Variants in GPN1 observed in about 807,000 individuals in gnomAD.
The protein encoded by GPN1 is GPN-loop GTPase 1, also known as ATP(GTP)-binding protein.
In GPN1, 44 loss-of-function variants were observed where a neutral mutation model predicts 55.9. The observed-to-expected ratio is 0.79, with a 90% confidence interval of 0.62 to 1.01. GPN1 has a LOEUF of 1.01. GPN1 is among the 50% of genes least tolerant of loss of function. The pLI is 0.00. For synonymous variants in GPN1, 179 were observed against 162.5 expected, an observed-to-expected ratio of 1.10 and a Z score of -0.77; for missense variants, 466 against 462.8, an observed-to-expected ratio of 1.01 and a Z score of -0.06.
intron 11 of GPN1, 66 bp from the exon 12 acceptor site, chr2:27,642,363 G>T: frequency 1.1e-6 from 1 of 921,240 alleles, no homozygotes; most frequent in South Asian, 1.3e-5. Flanking sequence ...CATCTCCACT[G>T]AGAAGTCTGG....
At chr2:27,645,557 AC>A (rs1674186597) in intron 12 of GPN1, among the ~76,000 whole-genome samples, 1 of 152,160 alleles carries the variant, frequency 6.6e-6, no homozygotes. Context: ...ACCCAAGACC[AC>A]AGAGTGTCTT....
rs761375294 is a variant in GPN1, at chr2:27,629,063, C to A, written c.5C>A (p.Ala2Glu). 1.2e-6 allele frequency: 2 copies of A among 1,614,114 alleles called. No individual in the cohort carries two copies. The highest frequency in any genetic ancestry group is 1.7e-6 in the Non-Finnish European group (2 of 1,180,020). M[A>E]ASAAAAELQA... ...GTGGGTGGGGCCAGGAGGAAGATGG[C>A]GGCGTCCGCAGCTGCCGCTGAGCTC... The change falls in exon 1 of 14, where the codon GCG becomes GAG. Residue 2 changes from alanine (A) to glutamate (E), a missense_variant. Ala to Glu is a moderately radical substitution (Grantham distance 107, BLOSUM62 -1). Transcript: ENST00000610189.
At chr2:27,645,866 A>C (rs1674202596) in intron 12 of GPN1, among the ~76,000 whole-genome samples, 1 of 151,680 alleles carries the variant, frequency 6.6e-6, no homozygotes, top group Admixed American at 6.6e-5. Flanking sequence ...AGTAGCTGGA[A>C]CTAGAGGTGC....
At chr2:27,628,951 C>T (rs1456793953), upstream of GPN1, 13 of 1,555,530 alleles carry the variant, frequency 8.4e-6, no homozygotes, top group African/African-American at 1.2e-4. Context: ...GCCCCTCACC[C>T]GCTCCTTTCT....
At chr2:27,642,250 C>A (rs1572959938) in intron 11 of GPN1, 179 bp from the exon 12 acceptor site, 3 of 561,116 alleles carry the variant, frequency 5.3e-6, no homozygotes, top group Middle Eastern at 3.9e-4. Context: ...GTCTAAACTT[C>A]TGCAGTAACC....
chr2:27,642,100 C>G (rs1481478823), intron 11 of GPN1: 1 of 188,836 alleles, frequency 5.3e-6, no homozygotes, highest in African/African-American at 2.3e-5. Context: ...TTTTGCCTAG[C>G]CAGTTTAAAT....
At position 27,651,331 on chromosome 2, in the gene GPN1, T is replaced by G. The variant is rs1437465017; in HGVS notation, c.*1131T>G. The stretch of plus-strand genomic sequence containing the variant: ...CTGGGGGTGGGCTGAGCAGTCTGTT[T>G]TAGAAAGCCCTCCATGTGATTCTGA... On this transcript the variant is annotated 3_prime_UTR_variant, in exon 14 of 14. Coordinates refer to ENST00000610189, the MANE Select transcript of GPN1 (RefSeq NM_007266.4). 1.3e-5 allele frequency: 2 copies of G among 152,264 alleles called. No individual in the cohort carries two copies. The highest frequency in any genetic ancestry group is 1.3e-4 in the Admixed American group (2 of 15,272). The allele number at this position is 152,264 out of a possible 1,614,324, so 9.4% of individuals were successfully genotyped here.
chr2:27,629,104 C>T lies in GPN1; in HGVS notation c.46C>T (p.Pro16Ser), dbSNP rs964040726. ...CGCTGAGCTCCAGGCTTCTGGGGGT[C>T]CGCGGCACCCAGTGTGTCTGTTGGT... ...AAAELQASGG[P>S]RHPVCLLVLG... Residue 16 changes from proline (P) to serine (S), a missense_variant, in exon 1 of 14, where the codon CCG (proline) becomes TCG (serine). Physicochemically the swap from Pro to Ser is moderately conservative, Grantham distance 74. Coordinates refer to ENST00000610189, the MANE Select transcript of GPN1 (RefSeq NM_007266.4). 4 of 1,614,110 alleles carry T rather than the reference C, an allele frequency of 2.5e-6. No homozygotes were observed. The African/African-American group carries it at 4.0e-5, about 16-fold the overall frequency.
chr2:27,650,246 G>C lies in GPN1; in HGVS notation c.*46G>C. Reference sequence around the variant, plus strand: ...TTGTTTCTAGAAGTCCAGAATTTTGGACCTCCACGTGAAAGAACTGTTCTT... The same window carrying C: ...TTGTTTCTAGAAGTCCAGAATTTTGCACCTCCACGTGAAAGAACTGTTCTT... On this transcript the variant is annotated 3_prime_UTR_variant, in exon 14 of 14. Coordinates refer to ENST00000610189, the MANE Select transcript of GPN1 (RefSeq NM_007266.4). 1 of 1,113,568 alleles carries C rather than the reference G, an allele frequency of 9.0e-7. No homozygotes were observed. The highest frequency in any genetic ancestry group is 1.3e-5 in the South Asian group (1 of 78,934). 69.0% of individuals were successfully genotyped at this position (1,113,568 alleles called of 1,614,324 possible).
chr2:27,639,974 C>T (rs111864179), intron 9 of GPN1, 69 bp from the exon 10 acceptor site: 14 of 1,024,474 alleles, frequency 1.4e-5, no homozygotes, highest in African/African-American at 8.0e-5. Context: ...GACATTTAAA[C>T]AAGTTAATGT....
chr2:27,639,196 G>C (rs530049347), intron 9 of GPN1, among the ~76,000 whole-genome samples, 165 bp downstream of exon 9: 32 of 152,294 alleles, frequency 2.1e-4, no homozygotes, highest in South Asian at 1.7e-3. Context: ...GAATAAGATA[G>C]GGACCCCAGC....
chr2:27,633,345 G>T (rs528475202), intron 5 of GPN1, among the ~76,000 whole-genome samples: 1 of 152,224 alleles, frequency 6.6e-6, no homozygotes, highest in East Asian at 1.9e-4. Context: ...TTGCTCTGTC[G>T]CCCAGGCTGG....
upstream of GPN1, chr2:27,628,765 T>A (rs1436280618): frequency 6.5e-7 from 1 of 1,535,356 alleles, no homozygotes; most frequent in African/African-American, 1.4e-5. Context: ...GGACCCCATC[T>A]CTTCTGGCCT....
Position 27,640,115 on chromosome 2 carries a change from G to T in GPN1, c.790G>T (p.Glu264Ter), listed in dbSNP as rs763744992. 6.2e-7 allele frequency: 1 copy of T among 1,604,800 alleles called. No homozygotes were observed. The highest frequency in any genetic ancestry group is 1.1e-5 in the South Asian group (1 of 90,904). The change falls in exon 10 of 14, where the codon GAA (glutamate) becomes TAA (stop). Residue 264 changes from glutamate (E) to a stop codon, truncating the protein, a stop_gained. Transcript: ENST00000610189. LOFTEE classifies it high-confidence loss of function. ...TGTGCAAGTTACCAGTGCTGCCGAA[G>T]AATATGAAAGGTGAGGATAAAGGAA... is the stretch of plus-strand genomic sequence containing the variant. Reference protein sequence around the residue: ...LFVQVTSAAEEYEREYRPEYE... With the variant: ...LFVQVTSAAE
At position 27,631,057 on chromosome 2, in the gene GPN1, T is replaced by A; in HGVS notation, c.236T>A (p.Val79Glu). 1 of 1,387,340 alleles carries A rather than the reference T, an allele frequency of 7.2e-7. No homozygotes were observed. The highest frequency in any genetic ancestry group is 1.0e-6 in the Non-Finnish European group (1 of 975,128). The allele number at this position is 1,387,340 out of a possible 1,614,324, so 85.9% of individuals were successfully genotyped here. Residue 79 changes from valine to glutamate, a missense_variant, in exon 3 of 14, where the codon GTA becomes GAA. By Grantham distance (121) the Val-to-Glu change is moderately radical. Coordinates refer to ENST00000610189, the MANE Select transcript of GPN1 (RefSeq NM_007266.4). ...CGTGATACTGTAAAGTATAAAGAAG[T>A]AATGAAACAGTATCCTTTTCCATCT... ...DIRDTVKYKE[V>E]MKQYGLGPNG... is the part of the protein sequence containing the mutation.
chr2:27,646,285 G>T (rs867486871), intron 12 of GPN1, among the ~76,000 whole-genome samples: 2 of 152,042 alleles, frequency 1.3e-5, no homozygotes, highest in African/African-American at 4.8e-5. Flanking sequence ...CAGGTGATCT[G>T]CCCATTTCAG....
intron 12 of GPN1, among the ~76,000 whole-genome samples, chr2:27,647,526 C>T (rs1358495512): frequency 6.6e-6 from 1 of 152,152 alleles, no homozygotes; most frequent in African/African-American, 2.4e-5. Flanking sequence ...ATAGGAAAAA[C>T]CATCACCCCT....
chr2:27,646,393 T>C (rs370405959), intron 12 of GPN1, among the ~76,000 whole-genome samples: 58 of 152,310 alleles, frequency 3.8e-4, no homozygotes, highest in Non-Finnish European at 6.8e-4. Context: ...CTGTTGAAAA[T>C]GGGATTTTCT....
chr2:27,642,958 TACACACACACACAC>T (rs1553358324), intron 12 of GPN1, among the ~76,000 whole-genome samples: 5 of 122,610 alleles, frequency 4.1e-5, no homozygotes. Context: ...TATATATATA[TACACACACACACAC>T]ACACACACAC....
Sources: gnomAD v4.1 joint callset for allele counts (sites outside exome capture counted in the v4.1 genomes callset) on GRCh38, gnomAD v4.1.1 for gene constraint, MANE v1.5 for transcripts, NCBI Gene and HGNC (gene_info 2026-07-23, HGNC 2026-07-21) for gene names.